NOC3L: variants seen among roughly 807,000 people sequenced by gnomAD.
NOC3L encodes the protein NOC3 like DNA replication regulator.
Under a neutral mutation model 102.5 loss-of-function variants are expected in NOC3L, and 85 were observed. That is an observed-to-expected ratio of 0.83 (90% CI 0.70 to 0.99). The LOEUF (loss-of-function observed/expected upper bound fraction) is 0.99. Ranked by LOEUF, NOC3L falls within the 50% of genes least tolerant of loss-of-function variation. The probability of loss-of-function intolerance (pLI) is 0.00; values close to 1 mark genes in which losing one functional copy is unlikely to be tolerated. For missense variants in NOC3L, 878 were observed against 914.9 expected (o/e 0.96, Z 0.52); for synonymous variants, 303 against 309.4 (o/e 0.98, Z 0.22).
At chr10:94,351,065 G>A (rs1289864547) in intron 8 of NOC3L, among the ~76,000 whole-genome samples, 2 of 151,976 alleles carry the variant, frequency 1.3e-5, no homozygotes, top group Non-Finnish European at 2.9e-5. Context: ...TGTGGCTCAT[G>A]TTATAGTTCT....
intron 12 of NOC3L, 33 bp downstream of exon 12, chr10:94,344,820 T>C: frequency 2.7e-6 from 4 of 1,499,568 alleles, no homozygotes; most frequent in Non-Finnish European, 3.6e-6. Context: ...CTTAACGCAT[T>C]TTAAAAGCAT....
At position 94,362,864 on chromosome 10, in the gene NOC3L, C is replaced by G. The variant is rs2054567712; in HGVS notation, c.-26G>C. 1 of 1,613,996 alleles carries G rather than the reference C, an allele frequency of 6.2e-7. No homozygotes were observed. Among genetic ancestry groups the G allele is most frequent in the East Asian group, 2.2e-5 (1 of 44,878 alleles). On this transcript the variant is annotated 5_prime_UTR_variant, in exon 1 of 21. Coordinates refer to ENST00000371361, the MANE Select transcript of NOC3L (RefSeq NM_022451.11). ...CCTTAGGCCTTAAATGAATGCCGGCCAGACAAGTTCACCAGAAGCAGGGTT... is the reference window on the plus strand; with the variant it reads ...CCTTAGGCCTTAAATGAATGCCGGCGAGACAAGTTCACCAGAAGCAGGGTT...
intron 1 of NOC3L, 96 bp from the exon 2 acceptor site, chr10:94,361,968 C>G (rs1248165649): frequency 1.1e-6 from 1 of 930,044 alleles, no homozygotes; most frequent in Non-Finnish European, 1.7e-6. Context: ...ACCAATTCCA[C>G]AATTTCAATG....
At chr10:94,327,392 C>T in the NOC3L span, among the ~76,000 whole-genome samples, 87 of 150,400 alleles carry the variant, frequency 5.8e-4, 1 homozygote, top group Non-Finnish European at 9.9e-4. Context: ...GTCAGGAGTT[C>T]GAGACCAGCC....
chr10:94,334,287 C>A lies in NOC3L; in HGVS notation c.2293G>T (p.Asp765Tyr). The change falls in exon 21 of 21, where the codon GAT becomes TAT. Residue 765 changes from aspartate (D) to tyrosine (Y), a missense_variant. Transcript: ENST00000371361. ...PKIKGKFLQG[D>Y]SFLNEDLNQL... The stretch of plus-strand genomic sequence containing the variant: ...TTTAAATCTTCATTCAAAAATGAAT[C>A]CCCTTGTAAAAATTTACCCTAGGAA... The A allele has an allele frequency of 6.2e-7, 1 of 1,602,910 alleles. No individual in the cohort carries two copies. Among genetic ancestry groups the A allele is most frequent in the East Asian group, 2.2e-5 (1 of 44,762 alleles).
intron 14 of NOC3L, among the ~76,000 whole-genome samples, chr10:94,340,764 G>A (rs1358864095): frequency 1.3e-5 from 2 of 151,882 alleles, no homozygotes; most frequent in Non-Finnish European, 2.9e-5. Context: ...GGCAGATCAC[G>A]AGGTCAGGAG....
Position 94,341,745 on chromosome 10 carries a change from C to A in NOC3L, c.1572G>T (p.Lys524Asn). Residue 524 changes from lysine (K) to asparagine (N), a missense_variant and splice_region_variant, in exon 14 of 21, where the codon AAG becomes AAT. Coordinates refer to ENST00000371361, the MANE Select transcript of NOC3L (RefSeq NM_022451.11). Reference sequence around the variant, plus strand: ...ATTCCACATTTATAAGGTGAGCAAACCTGGAATCAAACAAAACAGTTAATC... The same window carrying A: ...ATTCCACATTTATAAGGTGAGCAAAACTGGAATCAAACAAAACAGTTAATC... ...LLPAVLEGLAKFAHLINVEFF... is the reference protein window; with the variant it reads ...LLPAVLEGLANFAHLINVEFF... The A allele has an allele frequency of 2.0e-6, 3 of 1,537,342 alleles. No individual in the cohort carries two copies. Among genetic ancestry groups the A allele is most frequent in the East Asian group, 2.4e-5 (1 of 42,246 alleles).
At chr10:94,323,683 G>A in the NOC3L span, among the ~76,000 whole-genome samples, 1 of 152,152 alleles carries the variant, frequency 6.6e-6, no homozygotes, top group South Asian at 2.1e-4. Flanking sequence ...TGTTCTTACT[G>A]TATGATAACT....
chr10:94,325,049 C>G, the NOC3L span: 5 of 1,614,070 alleles, frequency 3.1e-6, no homozygotes, highest in Non-Finnish European at 4.2e-6. Flanking sequence ...GGTGGCTTGT[C>G]CTCCAGTGAC....
At chr10:94,324,836 T>C in the NOC3L span, 2 of 1,538,158 alleles carry the variant, frequency 1.3e-6, no homozygotes, top group African/African-American at 2.7e-5. Flanking sequence ...TAGTGTCATG[T>C]GACAGAGGAA....
chr10:94,351,257 C>A (rs975586502), intron 8 of NOC3L, among the ~76,000 whole-genome samples: 1 of 151,446 alleles, frequency 6.6e-6, no homozygotes, highest in East Asian at 1.9e-4. Context: ...CTATACTCCA[C>A]TACCTTTATG....
the NOC3L span, chr10:94,328,002 C>A: frequency 1.3e-5 from 7 of 531,646 alleles, no homozygotes; most frequent in Non-Finnish European, 2.7e-5. Context: ...AAAGAGTGAA[C>A]ATGGTGGAAA....
At chr10:94,361,626 A>C (rs776901692) in intron 2 of NOC3L, 39 bp downstream of exon 2, 2 of 1,577,326 alleles carry the variant, frequency 1.3e-6, no homozygotes, top group African/African-American at 2.7e-5. Context: ...TTCAGAATAA[A>C]TCAATGGAAA....
the NOC3L span, among the ~76,000 whole-genome samples, chr10:94,318,906 G>A: frequency 6.6e-6 from 1 of 152,146 alleles, no homozygotes; most frequent in Admixed American, 6.6e-5. Context: ...AAATTAGCAG[G>A]GCGTGGTAGC....
rs1246148030 is a variant in NOC3L, at chr10:94,356,552, T to A, written c.548A>T (p.Glu183Val). The change falls in exon 5 of 21, where the codon GAG (glutamate) becomes GTG (valine). Residue 183 changes from glutamate (E) to valine (V), a missense_variant. Glu to Val is a moderately radical substitution (Grantham distance 121, BLOSUM62 -2). Coordinates refer to ENST00000371361, the MANE Select transcript of NOC3L (RefSeq NM_022451.11). ...SNKDEEDQEE[E>V]RELEEEIIED... ...CATATTACCTTCCTCAAGTTCCCTCTCTTCTTCTTGATCCTCTTCATCTTT... is the reference window on the plus strand; with the variant it reads ...CATATTACCTTCCTCAAGTTCCCTCACTTCTTCTTGATCCTCTTCATCTTT... 6.3e-7 allele frequency: 1 copy of A among 1,584,152 alleles called. No individual in the cohort carries two copies. Among genetic ancestry groups the A allele is most frequent in the South Asian group, 1.1e-5 (1 of 90,474 alleles).
At position 94,361,746 on chromosome 10, in the gene NOC3L, G is replaced by T. The variant is rs147842178; in HGVS notation, c.136C>A (p.Gln46Lys). The change falls in exon 2 of 21, where the codon CAG becomes AAG. Residue 46 changes from glutamine (Q) to lysine (K), a missense_variant. Coordinates refer to ENST00000371361, the MANE Select transcript of NOC3L (RefSeq NM_022451.11). ...TTCACAGCTTGCCTTAGTTTCCTCT[G>T]TTCTTTTCGGTACTTCTTGAGAGTG... Reference protein sequence around the residue: ...QSTLKKYRKEQRKLRQAVKDA... With the variant: ...QSTLKKYRKEKRKLRQAVKDA... 269 of 1,614,030 alleles carry T rather than the reference G, an allele frequency of 1.7e-4. 2 individuals carry two copies. In the East Asian group the frequency reaches 3.8e-3, roughly 23 times the overall value.
At chr10:94,347,955 A>G (rs1425097781) in intron 10 of NOC3L, among the ~76,000 whole-genome samples, 2 of 151,918 alleles carry the variant, frequency 1.3e-5, no homozygotes, top group Admixed American at 1.3e-4. Flanking sequence ...AATATTGTGG[A>G]GAAAAAAGAA....
rs185932841 is a variant in NOC3L, at chr10:94,351,316, A to G, written c.952+994T>C. ...AGTGGTCCTGTTCCAGCTGACAGCAATGGGTGATCTTAGTAAATAAGCTGG... is the reference window on the plus strand; with the variant it reads ...AGTGGTCCTGTTCCAGCTGACAGCAGTGGGTGATCTTAGTAAATAAGCTGG... On this transcript the variant is annotated intron_variant, in intron 8 of 20. Transcript: ENST00000371361. 1.8e-3 allele frequency among the ~76,000 whole-genome samples: 277 copies of G among 151,956 alleles called. 1 individual carries two copies. Among genetic ancestry groups the G allele is most frequent in the Admixed American group, 3.4e-3 (52 of 15,262 alleles).
chr10:94,342,326 CAT>C (rs1248152210), intron 13 of NOC3L, among the ~76,000 whole-genome samples: 1 of 152,068 alleles, frequency 6.6e-6, no homozygotes, highest in Non-Finnish European at 1.5e-5. Flanking sequence ...AGAGTTACTC[CAT>C]ATACTATAGT....
Sources: gnomAD v4.1 joint callset for allele counts (sites outside exome capture counted in the v4.1 genomes callset) on GRCh38, gnomAD v4.1.1 for gene constraint, MANE v1.5 for transcripts, NCBI Gene and HGNC (gene_info 2026-07-23, HGNC 2026-07-21) for gene names.